Variants in COBL observed in about 807,000 individuals in gnomAD.
COBL encodes cordon-bleu WH2 repeat protein.
Under a neutral mutation model 98.8 loss-of-function variants are expected in COBL, and 51 were observed. The observed-to-expected ratio is 0.52, with a 90% confidence interval of 0.41 to 0.65. The LOEUF is 0.65. Among genes scored for constraint, COBL ranks in the 30% least tolerant of loss-of-function variants. The pLI, the probability that COBL is intolerant of heterozygous loss-of-function variation, is 0.00. For missense variants in COBL, 1,617 were observed against 1,617.5 expected, an observed-to-expected ratio of 1.00 and a Z score of 0.01; for synonymous variants, 634 against 651.7, an observed-to-expected ratio of 0.97 and a Z score of 0.41.
chr7:51,246,172 G>C (rs1048102613), intron 1 of COBL, among the ~76,000 whole-genome samples: 2 of 152,088 alleles, frequency 1.3e-5, no homozygotes, highest in Non-Finnish European at 2.9e-5. Context: ...ATGCAGAAAA[G>C]CAAGTATGTA....
chr7:51,140,491 T>C (rs920244589), intron 5 of COBL, among the ~76,000 whole-genome samples: 9 of 152,236 alleles, frequency 5.9e-5, no homozygotes, highest in Admixed American at 1.3e-4. Context: ...GCTTTTGACA[T>C]GGGTCCTAAT....
intron 7 of COBL, among the ~76,000 whole-genome samples, chr7:51,068,413 C>T (rs1443924833): frequency 6.6e-6 from 1 of 152,160 alleles, no homozygotes; most frequent in African/African-American, 2.4e-5. Flanking sequence ...TAAACAATTT[C>T]CCAATTAGCT....
intron 2 of COBL, among the ~76,000 whole-genome samples, chr7:51,197,261 C>T (rs936714980): frequency 5.9e-5 from 9 of 151,986 alleles, no homozygotes; most frequent in African/African-American, 2.2e-4. Flanking sequence ...TTGATTTTCC[C>T]CTTCCTTTCA....
chr7:51,085,246 G>A lies in COBL; in HGVS notation c.1016C>T (p.Pro339Leu). The A allele has an allele frequency of 1.9e-6, 3 of 1,613,422 alleles. No individual in the cohort carries two copies. The highest frequency in any genetic ancestry group is 2.5e-6 in the Non-Finnish European group (3 of 1,179,896). ...ACTCGGTGGTGGTGGCTGTGGTGGAGGGGGAGCTGGCGCTCGCCGCTTCTT... is the reference window on the plus strand; with the variant it reads ...ACTCGGTGGTGGTGGCTGTGGTGGAAGGGGAGCTGGCGCTCGCCGCTTCTT... ...QKKKRRAPAP[P>L]PPQPPPPSPL... Residue 339 changes from proline to leucine, a missense_variant, in exon 7 of 13, where the codon CCT (proline) becomes CTT (leucine). Coordinates refer to ENST00000265136, the MANE Select transcript of COBL (RefSeq NM_015198.5).
chr7:51,157,529 T>C (rs766214003), intron 5 of COBL, among the ~76,000 whole-genome samples: 1 of 152,164 alleles, frequency 6.6e-6, no homozygotes, highest in South Asian at 2.1e-4. Context: ...AGACTCAAAG[T>C]GTGCCCAGGG....
At chr7:51,126,216 A>T (rs10271337) in intron 6 of COBL, among the ~76,000 whole-genome samples, 92,308 of 152,044 alleles carry the variant, frequency 0.61, 28,334 homozygotes, top group Middle Eastern at 0.74. Flanking sequence ...CAATCCCAGC[A>T]GTATGGGAGG....
chr7:51,214,844 C>G (rs1356102783), intron 2 of COBL, among the ~76,000 whole-genome samples: 2 of 152,148 alleles, frequency 1.3e-5, no homozygotes, highest in African/African-American at 4.8e-5. Context: ...GTGGCACACG[C>G]AGTCTTGTTT....
At chr7:51,082,561 G>A (rs145376331) in intron 7 of COBL, among the ~76,000 whole-genome samples, 2 of 152,286 alleles carry the variant, frequency 1.3e-5, no homozygotes, top group Non-Finnish European at 2.9e-5. Context: ...TCCCCTTCTC[G>A]TACACCTCAG....
At chr7:51,284,011 C>G (rs1486775569) in intron 1 of COBL, among the ~76,000 whole-genome samples, 3 of 151,290 alleles carry the variant, frequency 2.0e-5, no homozygotes, top group Non-Finnish European at 4.4e-5. Flanking sequence ...ATAGGCTGGG[C>G]ACGGTGGCTC....
intron 1 of COBL, among the ~76,000 whole-genome samples, chr7:51,314,646 T>G (rs190152549): frequency 1.1e-4 from 16 of 152,368 alleles, no homozygotes; most frequent in Non-Finnish European, 1.9e-4. Flanking sequence ...TCTTGATGCT[T>G]CTTCACTGAA....
At position 51,106,318 on chromosome 7, in the gene COBL, C is replaced by T. The variant is rs183876246; in HGVS notation, c.958-21014G>A. 6.8e-4 allele frequency among the ~76,000 whole-genome samples: 103 copies of T among 152,054 alleles called. 1 individual carries two copies. In the Middle Eastern group the frequency reaches 0.014, roughly 20 times the overall value. ...TAATTTCAAAAGTGAATCTTCCTGT[C>T]GAGAACAAGCTATGCTTTTATTTGG... On this transcript the variant is annotated intron_variant, in intron 6 of 12. Coordinates refer to ENST00000265136, the MANE Select transcript of COBL (RefSeq NM_015198.5).
In COBL at chr7:51,084,299, G is replaced by A. The variant is rs563914709; in HGVS notation, c.1096+867C>T. Among the ~76,000 whole-genome samples, 38 of 152,176 alleles carry A rather than the reference G, an allele frequency of 2.5e-4. 1 individual carries two copies. Among genetic ancestry groups the A allele is most frequent in the African/African-American group, 5.5e-4 (23 of 41,538 alleles). ...AGACCTTAGGGCAAAGGCAAAACGC[G>A]GGGCTGCCTGGGTGGGTTAAAGGGC... On this transcript the variant is annotated intron_variant, in intron 7 of 12. Coordinates refer to ENST00000265136, the MANE Select transcript of COBL (RefSeq NM_015198.5).
chr7:51,252,781 G>A (rs186009796), intron 1 of COBL, among the ~76,000 whole-genome samples: 1 of 152,054 alleles, frequency 6.6e-6, no homozygotes, highest in Non-Finnish European at 1.5e-5. Flanking sequence ...CAATGTAATG[G>A]TTTTTTTCTC....
chr7:51,283,946 T>C (rs371534000), intron 1 of COBL, among the ~76,000 whole-genome samples: 1 of 151,892 alleles, frequency 6.6e-6, no homozygotes, highest in Non-Finnish European at 1.5e-5. Flanking sequence ...ATATCTCTCA[T>C]GAATACAGAT....
At chr7:51,063,372 T>C (rs1433838988) in intron 7 of COBL, among the ~76,000 whole-genome samples, 1 of 152,186 alleles carries the variant, frequency 6.6e-6, no homozygotes, top group Admixed American at 6.5e-5. Flanking sequence ...TGACCTCAGG[T>C]GATCCGCCTG....
At chr7:51,156,221 A>G (rs1406590788) in intron 5 of COBL, 12 of 984,446 alleles carry the variant, frequency 1.2e-5, no homozygotes, top group Non-Finnish European at 1.4e-5. Context: ...CAAAATTTAC[A>G]AGCCAAGAAG....
chr7:51,271,800 C>G (rs1292356177), intron 1 of COBL, among the ~76,000 whole-genome samples: 4 of 152,196 alleles, frequency 2.6e-5, no homozygotes, highest in African/African-American at 9.6e-5. Flanking sequence ...AAGACCGAGG[C>G]AGGAGGATCA....
chr7:51,037,107 A>T (rs1788725054), intron 8 of COBL, among the ~76,000 whole-genome samples: 1 of 152,124 alleles, frequency 6.6e-6, no homozygotes, highest in Admixed American at 6.5e-5. Context: ...ACATATACGC[A>T]TGCACACATA....
chr7:51,295,671 T>C (rs1281750999), intron 1 of COBL, among the ~76,000 whole-genome samples: 3 of 152,220 alleles, frequency 2.0e-5, no homozygotes, highest in Non-Finnish European at 4.4e-5. Context: ...TTAACTGTTC[T>C]GTGCCTCTGG....
Sources: gnomAD v4.1 joint callset for allele counts (sites outside exome capture counted in the v4.1 genomes callset) on GRCh38, gnomAD v4.1.1 for gene constraint, MANE v1.5 for transcripts, NCBI Gene and HGNC (gene_info 2026-07-23, HGNC 2026-07-21) for gene names.